The following STK38L variants were observed in gnomAD, a reference collection of about 807,000 sequenced individuals.
The protein encoded by STK38L is serine/threonine kinase 38 like, also known as serine/threonine-protein kinase 38-like.
STK38L carries 28 observed loss-of-function variants against 59.7 expected under a neutral mutation model. That is an observed-to-expected ratio of 0.47 (90% CI 0.35 to 0.64). STK38L has a LOEUF of 0.64. Among genes scored for constraint, STK38L ranks in the 30% least tolerant of loss-of-function variants. STK38L has a pLI of 0.01. For synonymous variants in STK38L, 162 were observed against 176.8 expected (o/e 0.92, Z 0.66); for missense variants, 314 against 555.8 (o/e 0.56, Z 4.37).
chr12:27,276,246 C>T (rs1051437834), intron 1 of STK38L, among the ~76,000 whole-genome samples: 1 of 152,134 alleles, frequency 6.6e-6, no homozygotes, highest in Non-Finnish European at 1.5e-5. Flanking sequence ...CATTATTTTG[C>T]AGTAAATCCT....
chr12:27,256,961 A>T (rs945809192), intron 1 of STK38L, among the ~76,000 whole-genome samples: 1 of 152,220 alleles, frequency 6.6e-6, no homozygotes, highest in Non-Finnish European at 1.5e-5. Context: ...GGCTTCTCAG[A>T]TGGATAGAAG....
At chr12:27,301,792 T>A (rs1196740926) in intron 2 of STK38L, among the ~76,000 whole-genome samples, 2 of 152,178 alleles carry the variant, frequency 1.3e-5, no homozygotes, top group Non-Finnish European at 2.9e-5. Flanking sequence ...TTTTTATATT[T>A]CTAATATAAG....
chr12:27,251,234 TAATTC>T (rs1170612312), intron 1 of STK38L, among the ~76,000 whole-genome samples: 5 of 152,226 alleles, frequency 3.3e-5, no homozygotes, highest in Non-Finnish European at 7.3e-5. Context: ...TATGCAGAAA[TAATTC>T]AATTGTATTC....
intron 12 of STK38L, among the ~76,000 whole-genome samples, chr12:27,321,831 A>G (rs928650666): frequency 2.0e-5 from 3 of 152,208 alleles, no homozygotes. Context: ...TGGACACCCC[A>G]TTCTGCACGA....
rs562262456 is a variant in STK38L, at chr12:27,265,622, AAAG to A, written c.-12+21295_-12+21297del. Among the ~76,000 whole-genome samples the A allele has an allele frequency of 1.1e-3, 172 of 152,348 alleles. 2 individuals carry two copies. Among genetic ancestry groups the A allele is most frequent in the African/African-American group, 4.0e-3 (166 of 41,572 alleles). On this transcript the variant is annotated intron_variant, in intron 1 of 13. Coordinates refer to ENST00000389032, the MANE Select transcript of STK38L (RefSeq NM_015000.4). The stretch of plus-strand genomic sequence containing the variant: ...AATTAAAAAAATTATTGATTGAATG[AAAG>A]AAGACTATTAAATGTTCAGTTCTTC...
chr12:27,246,823 T>C (rs1334480974), intron 1 of STK38L, among the ~76,000 whole-genome samples: 2 of 152,098 alleles, frequency 1.3e-5, no homozygotes, highest in Non-Finnish European at 1.5e-5. Flanking sequence ...TCAGAATCTT[T>C]AGAGGGAGAG....
chr12:27,300,475 G>T (rs1207752197), intron 2 of STK38L: 9 of 451,638 alleles, frequency 2.0e-5, no homozygotes, highest in Non-Finnish European at 3.1e-5. Context: ...GTGGAAATTT[G>T]ACAGAAGAAT....
At chr12:27,295,522 C>T (rs560926233) in intron 1 of STK38L, among the ~76,000 whole-genome samples, 1 of 152,318 alleles carries the variant, frequency 6.6e-6, no homozygotes, top group African/African-American at 2.4e-5. Context: ...TTGGCTAATT[C>T]TTTCAACTAC....
chr12:27,305,433 T>C (rs531086832), intron 3 of STK38L, among the ~76,000 whole-genome samples: 2 of 152,338 alleles, frequency 1.3e-5, no homozygotes, highest in Admixed American at 6.5e-5. Context: ...TAAAAAATGT[T>C]TTTAATTCCA....
At chr12:27,280,871 G>C (rs1275083551) in intron 1 of STK38L, among the ~76,000 whole-genome samples, 1 of 152,170 alleles carries the variant, frequency 6.6e-6, no homozygotes, top group Non-Finnish European at 1.5e-5. Context: ...AGGGCAGTTT[G>C]AATCAGGCAC....
chr12:27,256,647 T>C (rs769029907), intron 1 of STK38L, among the ~76,000 whole-genome samples: 4 of 152,228 alleles, frequency 2.6e-5, no homozygotes, highest in Non-Finnish European at 5.9e-5. Flanking sequence ...TGTCAAAACT[T>C]AATGAGCATT....
At chr12:27,277,014 C>T (rs181086171) in intron 1 of STK38L, among the ~76,000 whole-genome samples, 6 of 152,216 alleles carry the variant, frequency 3.9e-5, no homozygotes, top group African/African-American at 7.2e-5. Flanking sequence ...TTACCTCTTT[C>T]GTTTGATCTT....
At chr12:27,245,804 G>A (rs1462959922) in intron 1 of STK38L, 1 of 152,006 alleles carries the variant, frequency 6.6e-6, no homozygotes, top group Non-Finnish European at 1.5e-5. Context: ...AAAATAGGTA[G>A]GTACAATGAA....
At chr12:27,295,480 T>C (rs763283480) in intron 1 of STK38L, among the ~76,000 whole-genome samples, 1 of 152,262 alleles carries the variant, frequency 6.6e-6, no homozygotes, top group African/African-American at 2.4e-5. Flanking sequence ...CCACAGTTGC[T>C]TATTAGCCAA....
intron 2 of STK38L, 47 bp downstream of exon 2, chr12:27,297,901 G>T: frequency 6.2e-7 from 1 of 1,600,872 alleles, no homozygotes. Flanking sequence ...ATAAGCTGTT[G>T]TGCTGTGAGT....
chr12:27,312,766 T>C lies in STK38L; in HGVS notation c.517+94T>C, dbSNP rs957415973. 1.1e-5 allele frequency: 16 copies of C among 1,463,584 alleles called. No homozygotes were observed. In the Admixed American group the frequency reaches 1.4e-4, roughly 13 times the overall value. 90.7% of individuals were successfully genotyped at this position (1,463,584 alleles called of 1,614,324 possible). A position where few individuals can be genotyped will look rare whatever the true frequency, so the allele number is the denominator to read the frequency against. On this transcript the variant is annotated intron_variant, in intron 6 of 13. Transcript: ENST00000389032. ...TGGTGAGGTTTACTTTTATATTCTTTGCTCTGAGGCTTTACATAGTCACAG... is the reference window on the plus strand; with the variant it reads ...TGGTGAGGTTTACTTTTATATTCTTCGCTCTGAGGCTTTACATAGTCACAG...
chr12:27,276,681 G>A (rs954186861), intron 1 of STK38L, among the ~76,000 whole-genome samples: 1 of 152,234 alleles, frequency 6.6e-6, no homozygotes, highest in East Asian at 1.9e-4. Context: ...AAAATTCCTT[G>A]GAATCTTTGT....
chr12:27,322,285 T>C (rs755690483), intron 13 of STK38L, 43 bp from the exon 14 acceptor site: 2 of 1,613,256 alleles, frequency 1.2e-6, no homozygotes, highest in South Asian at 1.1e-5. Context: ...TTGAAGATGA[T>C]GGCATTTCAC....
At chr12:27,274,952 C>T (rs1300699021) in intron 1 of STK38L, among the ~76,000 whole-genome samples, 1 of 152,160 alleles carries the variant, frequency 6.6e-6, no homozygotes, top group African/African-American at 2.4e-5. Flanking sequence ...GTAAACCTCC[C>T]TTCCATTCCT....
Sources: gnomAD v4.1 joint callset for allele counts (sites outside exome capture counted in the v4.1 genomes callset) on GRCh38, gnomAD v4.1.1 for gene constraint, MANE v1.5 for transcripts, NCBI Gene and HGNC (gene_info 2026-07-23, HGNC 2026-07-21) for gene names.